Variants in BMERB1 observed in about 807,000 individuals in gnomAD.
BMERB1 encodes bMERB domain-containing protein 1.
Under a neutral mutation model 23.6 loss-of-function variants are expected in BMERB1, and 12 were observed. That is an observed-to-expected ratio of 0.51 (90% confidence interval 0.33 to 0.82). The LOEUF (loss-of-function observed/expected upper bound fraction) is 0.82, where lower values mean the gene tolerates loss of function less well. BMERB1 is among the 40% of genes least tolerant of loss of function. The pLI is 0.03. For synonymous variants in BMERB1, 122 were observed against 96.6 expected (o/e 1.26, Z -1.54); for missense variants, 247 against 255.4 (o/e 0.97, Z 0.22).
intron 1 of BMERB1, among the ~76,000 whole-genome samples, chr16:15,452,333 A>AGG (rs2051049974): frequency 1.4e-5 from 2 of 138,572 alleles, no homozygotes; most frequent in East Asian, 4.0e-4. Flanking sequence ...GGAGGGAGGG[A>AGG]GAGAGAGAGA....
chr16:15,552,206 G>A (rs950692107), intron 2 of BMERB1, among the ~76,000 whole-genome samples: 3 of 152,180 alleles, frequency 2.0e-5, no homozygotes, highest in African/African-American at 4.8e-5. Flanking sequence ...TTGGGAGGCC[G>A]AGGTGGGTGG....
chr16:15,510,055 C>T (rs1315210963), intron 1 of BMERB1, among the ~76,000 whole-genome samples: 1 of 152,212 alleles, frequency 6.6e-6, no homozygotes, highest in African/African-American at 2.4e-5. Context: ...CCTAATACTA[C>T]AAACCAAGGA....
chr16:15,530,416 T>C (rs2051955652), intron 2 of BMERB1, among the ~76,000 whole-genome samples: 1 of 152,178 alleles, frequency 6.6e-6, no homozygotes, highest in South Asian at 2.1e-4. Context: ...TTTAAAAATA[T>C]ATATTTTTCA....
chr16:15,477,741 T>G (rs1417941198), intron 1 of BMERB1, among the ~76,000 whole-genome samples: 1 of 152,074 alleles, frequency 6.6e-6, no homozygotes, highest in Non-Finnish European at 1.5e-5. Context: ...TGGTAGTGGT[T>G]CCAGGTCAGA....
chr16:15,457,245 A>C (rs2051094152), intron 1 of BMERB1, among the ~76,000 whole-genome samples: 1 of 152,228 alleles, frequency 6.6e-6, no homozygotes, highest in Non-Finnish European at 1.5e-5. Context: ...AGACTAAATT[A>C]AAACTAATTA....
At chr16:15,483,286 C>A (rs1476964030) in intron 1 of BMERB1, among the ~76,000 whole-genome samples, 1 of 152,204 alleles carries the variant, frequency 6.6e-6, no homozygotes, top group East Asian at 1.9e-4. Flanking sequence ...TGGAATGATA[C>A]ATTCTTCTAA....
At chr16:15,477,498 A>T (rs1325383568) in intron 1 of BMERB1, among the ~76,000 whole-genome samples, 1 of 152,078 alleles carries the variant, frequency 6.6e-6, no homozygotes, top group Admixed American at 6.6e-5. Context: ...AGTTGTGTTG[A>T]TGCACACCTG....
At chr16:15,447,609 A>T (rs1193849490) in intron 1 of BMERB1, among the ~76,000 whole-genome samples, 1 of 152,186 alleles carries the variant, frequency 6.6e-6, no homozygotes, top group African/African-American at 2.4e-5. Context: ...CGATCATGTT[A>T]ATAGAAGAGG....
chr16:15,434,732 G>A lies in BMERB1; in HGVS notation c.79G>A (p.Ala27Thr), dbSNP rs749766735. 1.3e-6 allele frequency: 2 copies of A among 1,502,414 alleles called. No homozygotes were observed. Among genetic ancestry groups the A allele is most frequent in the South Asian group, 2.2e-5 (2 of 89,744 alleles). The allele number at this position is 1,502,414 out of a possible 1,614,324, so 93.1% of individuals were successfully genotyped here. The stretch of plus-strand genomic sequence containing the variant: ...GCGCTATGGGGCGGTGGAGGAGACG[G>A]CTTGGAAAACGGAGAGACTGGGGAG... The part of the protein sequence containing the change: ...LRRYGAVEET[A>T]WKTERLGRNQ... The change falls in exon 1 of 6, where the codon GCT becomes ACT. Residue 27 changes from alanine (A) to threonine (T), a missense_variant. Physicochemically the swap from Ala to Thr is moderately conservative, Grantham distance 58 (BLOSUM62 0). Coordinates refer to ENST00000300006, the MANE Select transcript of BMERB1 (RefSeq NM_033201.3).
chr16:15,586,955 AC>A lies in BMERB1; in HGVS notation c.*128del. The A allele has an allele frequency of 1.5e-6, 1 of 672,492 alleles. No individual in the cohort carries two copies. Among genetic ancestry groups the A allele is most frequent in the South Asian group, 1.9e-5 (1 of 52,470 alleles). 41.7% of individuals were successfully genotyped at this position (672,492 alleles called of 1,614,324 possible). A position where few individuals can be genotyped will look rare whatever the true frequency, so the allele number is the denominator to read the frequency against. On this transcript the variant is annotated 3_prime_UTR_variant, in exon 6 of 6. Transcript: ENST00000300006. Reference sequence around the variant, plus strand: ...GGTTGAAGGCAAGCCCGTGACTGTCACCAGAGGCCATGGGCACGGCAGGCGG... The same window carrying A: ...GGTTGAAGGCAAGCCCGTGACTGTCACAGAGGCCATGGGCACGGCAGGCGG...
chr16:15,544,796 T>C (rs2052116901), intron 2 of BMERB1, among the ~76,000 whole-genome samples: 1 of 152,180 alleles, frequency 6.6e-6, no homozygotes, highest in Non-Finnish European at 1.5e-5. Context: ...CTGCTAGTTC[T>C]CCATCAATCA....
chr16:15,515,054 C>T (rs1268529100), intron 1 of BMERB1, among the ~76,000 whole-genome samples: 1 of 152,190 alleles, frequency 6.6e-6, no homozygotes, highest in East Asian at 1.9e-4. Flanking sequence ...CGCACTCCAG[C>T]CTGGGCGACA....
intron 4 of BMERB1, among the ~76,000 whole-genome samples, chr16:15,581,825 C>T (rs1464255602): frequency 6.6e-6 from 1 of 152,180 alleles, no homozygotes; most frequent in African/African-American, 2.4e-5. Flanking sequence ...CAACCACAGC[C>T]CTGGAGCTGC....
At chr16:15,575,308 G>C (rs2030830689) in intron 3 of BMERB1, among the ~76,000 whole-genome samples, 1 of 152,138 alleles carries the variant, frequency 6.6e-6, no homozygotes, top group African/African-American at 2.4e-5. Context: ...ATGCTAAGAT[G>C]TTTATCTTCA....
intron 2 of BMERB1, among the ~76,000 whole-genome samples, chr16:15,527,075 G>A (rs2051916322): frequency 6.6e-6 from 1 of 150,834 alleles, no homozygotes. Context: ...TTAAATTGTG[G>A]CAAAATATAT....
At chr16:15,509,431 C>A (rs188853995) in intron 1 of BMERB1, among the ~76,000 whole-genome samples, 2 of 152,030 alleles carry the variant, frequency 1.3e-5, no homozygotes, top group Non-Finnish European at 2.9e-5. Context: ...TTCTCTAAGC[C>A]TCAGAGTCAT....
chr16:15,519,138 G>GA (rs201560782), intron 2 of BMERB1, among the ~76,000 whole-genome samples: 2,114 of 151,206 alleles, frequency 0.014, 56 homozygotes, highest in African/African-American at 0.05. Context: ...GAGTAGGAGA[G>GA]AAAAAAATTT....
intron 5 of BMERB1, 32 bp downstream of exon 5, chr16:15,583,270 C>A (rs767597819): frequency 4.6e-6 from 7 of 1,509,822 alleles, no homozygotes; most frequent in South Asian, 3.4e-5. Flanking sequence ...TCCCCTCCCC[C>A]ACAAAAGAGA....
In BMERB1 at chr16:15,512,012, C is replaced by CAAAA. The variant is rs57021793; in HGVS notation, c.107-3270_107-3267dup. ...TGGGCAACAGAGCAAGACTTGCTCT[C>CAAAA]AAAAAAAAAAAAAAAAAAAAAAAAA... On this transcript the variant is annotated intron_variant, in intron 1 of 5. Transcript: ENST00000300006. Among the ~76,000 whole-genome samples, 41 of 61,106 alleles carry CAAAA rather than the reference C, an allele frequency of 6.7e-4. 3 individuals carry two copies. Among genetic ancestry groups the CAAAA allele is most frequent in the East Asian group, 2.1e-3 (3 of 1,396 alleles). 40.1% of individuals were successfully genotyped at this position (61,106 alleles called of 152,430 possible).
Sources: allele counts gnomAD v4.1 joint callset (sites outside exome capture counted in the v4.1 genomes callset), GRCh38; gene constraint gnomAD v4.1.1; transcripts MANE v1.5; gene names NCBI Gene and HGNC (gene_info 2026-07-23, HGNC 2026-07-21).